The following FAM184A variants were observed in gnomAD, a reference collection of about 807,000 sequenced individuals.
FAM184A encodes the protein protein FAM184A.
In FAM184A, 99 loss-of-function variants were observed where a neutral mutation model predicts 143.8. The observed-to-expected ratio is 0.69, with a 90% CI of 0.58 to 0.81. The LOEUF (loss-of-function observed/expected upper bound fraction) is 0.81. Ranked by LOEUF, FAM184A falls within the 40% of genes least tolerant of loss-of-function variation. The pLI is 0.00. For missense variants in FAM184A, 1,217 were observed against 1,310.5 expected (o/e 0.93, Z 1.10); for synonymous variants, 427 against 446.4 (o/e 0.96, Z 0.55).
At chr6:119,077,164 T>G (rs1260419417) in intron 1 of FAM184A, among the ~76,000 whole-genome samples, 1 of 152,166 alleles carries the variant, frequency 6.6e-6, no homozygotes, top group African/African-American at 2.4e-5. Flanking sequence ...CTCTCAAAAG[T>G]GCCAACCAGC....
chr6:119,116,456 C>G (rs1789065763), intron 1 of FAM184A, among the ~76,000 whole-genome samples: 1 of 152,160 alleles, frequency 6.6e-6, no homozygotes, highest in African/African-American at 2.4e-5. Flanking sequence ...CAGTGTCACA[C>G]AGTTTACCCA....
intron 9 of FAM184A, among the ~76,000 whole-genome samples, chr6:118,991,778 T>TTTTTTTC (rs1784386493): frequency 7.1e-6 from 1 of 141,570 alleles, no homozygotes; most frequent in Non-Finnish European, 1.5e-5. Context: ...TTTTTTTTTT[T>TTTTTTTC]TTGAGACAGA....
chr6:119,102,097 C>T (rs1788652780), intron 1 of FAM184A, among the ~76,000 whole-genome samples: 1 of 151,984 alleles, frequency 6.6e-6, no homozygotes, highest in African/African-American at 2.4e-5. Flanking sequence ...ATAAATGCAT[C>T]ATAAATAGAG....
chr6:119,017,453 G>A (rs972914783), intron 4 of FAM184A, among the ~76,000 whole-genome samples: 5 of 150,764 alleles, frequency 3.3e-5, no homozygotes, highest in African/African-American at 9.8e-5. Flanking sequence ...AGCTGAGATT[G>A]CACCACTGCA....
At chr6:119,101,693 T>C (rs991023455) in intron 1 of FAM184A, among the ~76,000 whole-genome samples, 4 of 152,214 alleles carry the variant, frequency 2.6e-5, no homozygotes, top group African/African-American at 9.6e-5. Flanking sequence ...TTTGTATTCA[T>C]ATCCCTTGCT....
At chr6:119,002,615 G>A (rs1225265299) in intron 9 of FAM184A, among the ~76,000 whole-genome samples, 1 of 151,846 alleles carries the variant, frequency 6.6e-6, no homozygotes, top group Non-Finnish European at 1.5e-5. Flanking sequence ...TCAAAACATA[G>A]GTAACTTTCC....
chr6:119,092,087 G>C (rs1788383553), intron 1 of FAM184A, among the ~76,000 whole-genome samples: 1 of 152,178 alleles, frequency 6.6e-6, no homozygotes, highest in Non-Finnish European at 1.5e-5. Context: ...AGATGTGCAT[G>C]TTCATTTCTA....
intron 5 of FAM184A, among the ~76,000 whole-genome samples, chr6:119,014,489 C>CAAACA (rs1785178723): frequency 6.6e-6 from 1 of 152,138 alleles, no homozygotes. Flanking sequence ...GTGGAAGAAA[C>CAAACA]AAACAAAACA....
intron 9 of FAM184A, among the ~76,000 whole-genome samples, chr6:118,991,250 C>T (rs1018387964): frequency 6.6e-6 from 1 of 151,482 alleles, no homozygotes; most frequent in Non-Finnish European, 1.5e-5. Flanking sequence ...GCAACCTCTG[C>T]CCCTTGGATT....
rs368962680 is a variant in FAM184A, at chr6:119,020,022, T to G, written c.1288A>C (p.Ser430Arg). 53 of 1,605,814 alleles carry G rather than the reference T, an allele frequency of 3.3e-5. No homozygotes were observed. Among genetic ancestry groups the G allele is most frequent in the Non-Finnish European group, 4.1e-5 (48 of 1,177,502 alleles). Residue 430 changes from serine (S) to arginine (R), a missense_variant, in exon 4 of 18, where the codon AGT becomes CGT. Transcript: ENST00000338891. ...TGTTGCTTCTGCTCTTCATCCAGAC[T>G]TTGGGTTTTGCTTCGCAAAAAAGCT... ...ERAFLRSKTQSLDEEQKQQIL... is the reference protein window; with the variant it reads ...ERAFLRSKTQRLDEEQKQQIL...
chr6:119,042,913 A>G (rs1786393339), intron 1 of FAM184A, among the ~76,000 whole-genome samples: 1 of 152,220 alleles, frequency 6.6e-6, no homozygotes, highest in Admixed American at 6.5e-5. Context: ...GCTCTAAAAG[A>G]GTAAAGTCTA....
intron 14 of FAM184A, among the ~76,000 whole-genome samples, chr6:118,971,912 C>A (rs1251959917): frequency 2.0e-5 from 3 of 152,196 alleles, no homozygotes; most frequent in Non-Finnish European, 4.4e-5. Flanking sequence ...CAGGCTGTGG[C>A]CTGTCAGGCT....
intron 1 of FAM184A, among the ~76,000 whole-genome samples, chr6:119,072,776 A>G (rs1196980803): frequency 6.6e-6 from 1 of 152,170 alleles, no homozygotes; most frequent in Non-Finnish European, 1.5e-5. Flanking sequence ...ATTAAGAAAT[A>G]AAATAGCTTT....
At chr6:118,975,677 C>G (rs1783824182) in intron 12 of FAM184A, among the ~76,000 whole-genome samples, 2 of 152,236 alleles carry the variant, frequency 1.3e-5, no homozygotes, top group South Asian at 2.1e-4. Flanking sequence ...TAGTGCTGCT[C>G]TAGCAGTTAT....
chr6:119,131,299 A>G (rs1789528172), intron 1 of FAM184A, among the ~76,000 whole-genome samples: 1 of 152,008 alleles, frequency 6.6e-6, no homozygotes, highest in African/African-American at 2.4e-5. Context: ...TTCTGGATTA[A>G]TTAAATAAAA....
intron 9 of FAM184A, among the ~76,000 whole-genome samples, chr6:118,990,112 C>T (rs1180486136): frequency 6.6e-6 from 1 of 152,206 alleles, no homozygotes; most frequent in Non-Finnish European, 1.5e-5. Context: ...AGGCGTGAGC[C>T]ACAGCGCCCA....
chr6:118,981,927 G>T (rs1314404765), intron 9 of FAM184A, among the ~76,000 whole-genome samples: 1 of 152,104 alleles, frequency 6.6e-6, no homozygotes, highest in East Asian at 1.9e-4. Context: ...AGGTTTCAGA[G>T]GTTATTTTAA....
chr6:119,109,592 G>T (rs1788877525), intron 1 of FAM184A, among the ~76,000 whole-genome samples: 1 of 152,182 alleles, frequency 6.6e-6, no homozygotes, highest in African/African-American at 2.4e-5. Context: ...TATGGATGAG[G>T]ACAGGATTAT....
At chr6:119,146,152 T>C (rs1012617876) in intron 1 of FAM184A, among the ~76,000 whole-genome samples, 1 of 152,144 alleles carries the variant, frequency 6.6e-6, no homozygotes, top group Non-Finnish European at 1.5e-5. Context: ...TCATTTTCAA[T>C]AGTGATATAA....
Sources: allele counts gnomAD v4.1 joint callset (sites outside exome capture counted in the v4.1 genomes callset), GRCh38; gene constraint gnomAD v4.1.1; transcripts MANE v1.5; gene names NCBI Gene and HGNC (gene_info 2026-07-23, HGNC 2026-07-21).